The following NEDD9 variants were observed in gnomAD, a reference collection of about 807,000 sequenced individuals.
NEDD9 encodes the protein enhancer of filamentation 1.
NEDD9 carries 26 observed loss-of-function variants against 76.6 expected under a neutral mutation model. The observed-to-expected ratio is 0.34, with a 90% CI of 0.25 to 0.47. The LOEUF (loss-of-function observed/expected upper bound fraction) is 0.47, where lower values mean the gene tolerates loss of function less well. NEDD9 is among the 20% of genes least tolerant of loss of function. The pLI is 1.00. For missense variants in NEDD9, 937 were observed against 1,058.5 expected (o/e 0.89, Z 1.59); for synonymous variants, 392 against 414.2 (o/e 0.95, Z 0.65).
At chr6:11,365,589 C>T (rs961550781) in intron 1 of NEDD9, among the ~76,000 whole-genome samples, 1 of 152,136 alleles carries the variant, frequency 6.6e-6, no homozygotes, top group African/African-American at 2.4e-5. Context: ...AGACCAAATC[C>T]TTCCCTGCAA....
At chr6:11,312,769 C>T (rs1215079104) in intron 2 of NEDD9, among the ~76,000 whole-genome samples, 1 of 150,542 alleles carries the variant, frequency 6.6e-6, no homozygotes, top group Admixed American at 6.6e-5. Context: ...GCCAATAACC[C>T]AGTGGGGTGG....
chr6:11,211,165 A>T (rs1212793063), intron 2 of NEDD9, among the ~76,000 whole-genome samples: 1 of 152,164 alleles, frequency 6.6e-6, no homozygotes, highest in Non-Finnish European at 1.5e-5. Flanking sequence ...AAAAAAGCAA[A>T]ACAAAACATG....
chr6:11,235,230 CATT>C (rs1232143078), upstream of NEDD9, among the ~76,000 whole-genome samples: 5 of 151,906 alleles, frequency 3.3e-5, no homozygotes, highest in Non-Finnish European at 5.9e-5. The surrounding 1 kb of genome is among the most constrained non-coding windows in gnomAD (Gnocchi z 4.1). Flanking sequence ...TATTTTATGA[CATT>C]ATTGCTATAT....
intron 3 of NEDD9, chr6:11,304,972 G>A: frequency 2.7e-6 from 2 of 746,398 alleles, no homozygotes; most frequent in Non-Finnish European, 3.8e-6. Context: ...AACCCACAGT[G>A]ATATGACAAT....
chr6:11,234,377 T>C (rs1341171700), upstream of NEDD9, among the ~76,000 whole-genome samples: 5 of 152,248 alleles, frequency 3.3e-5, no homozygotes, highest in East Asian at 9.6e-4. Flanking sequence ...CCAAGAGATC[T>C]AGATAACATT....
At chr6:11,358,043 A>G (rs914138225) in intron 1 of NEDD9, among the ~76,000 whole-genome samples, 2 of 152,056 alleles carry the variant, frequency 1.3e-5, no homozygotes, top group African/African-American at 2.4e-5. Flanking sequence ...AGGTCAGGAG[A>G]TCGAGATCAT....
intron 1 of NEDD9, among the ~76,000 whole-genome samples, chr6:11,218,485 C>T (rs893914530): frequency 6.6e-6 from 1 of 152,004 alleles, no homozygotes; most frequent in Admixed American, 6.5e-5. Context: ...TCCCAGTTCT[C>T]GATCATACTA....
intron 4 of NEDD9, 89 bp from the exon 5 acceptor site, chr6:11,191,294 C>G: frequency 7.1e-7 from 1 of 1,410,152 alleles, no homozygotes; most frequent in South Asian, 1.4e-5. Context: ...TTTGCTGGCA[C>G]TTTTTCGGTC....
At chr6:11,334,148 T>C (rs1363184809) in intron 2 of NEDD9, among the ~76,000 whole-genome samples, 1 of 152,174 alleles carries the variant, frequency 6.6e-6, no homozygotes, top group African/African-American at 2.4e-5. Context: ...AATAGGGAAA[T>C]ATATAAAGTG....
At chr6:11,369,915 A>G (rs1015188706) in intron 1 of NEDD9, among the ~76,000 whole-genome samples, 11 of 152,250 alleles carry the variant, frequency 7.2e-5, no homozygotes, top group Non-Finnish European at 1.5e-4. Flanking sequence ...ACTGCATTTC[A>G]CATAGCCTCA....
chr6:11,369,107 G>T (rs1364916763), intron 1 of NEDD9, among the ~76,000 whole-genome samples: 1 of 152,178 alleles, frequency 6.6e-6, no homozygotes, highest in East Asian at 1.9e-4. Context: ...TCAGGCAGTT[G>T]GTTCTCTCTT....
chr6:11,286,449 T>A (rs997570963), intron 3 of NEDD9, among the ~76,000 whole-genome samples: 2 of 152,338 alleles, frequency 1.3e-5, no homozygotes, highest in South Asian at 2.1e-4. Context: ...GATCATATAA[T>A]CTAGTCATTG....
At chr6:11,189,326 T>C (rs969728938) in intron 5 of NEDD9, among the ~76,000 whole-genome samples, 1 of 152,134 alleles carries the variant, frequency 6.6e-6, no homozygotes, top group Non-Finnish European at 1.5e-5. Flanking sequence ...GAATTCCCAA[T>C]TGTAGGAGGC....
At chr6:11,270,366 C>A (rs1001504508) in intron 3 of NEDD9, among the ~76,000 whole-genome samples, 1 of 144,708 alleles carries the variant, frequency 6.9e-6, no homozygotes, top group Non-Finnish European at 1.5e-5. Flanking sequence ...CTCCCCTCAA[C>A]CTTTTTTTTT....
chr6:11,353,340 T>G (rs116049771), intron 1 of NEDD9, among the ~76,000 whole-genome samples: 2,835 of 152,282 alleles, frequency 0.019, 90 homozygotes, highest in African/African-American at 0.065. Flanking sequence ...TGATACAATA[T>G]GACTGCTGTT....
intron 3 of NEDD9, among the ~76,000 whole-genome samples, chr6:11,242,342 C>T (rs748949963): frequency 4.6e-5 from 7 of 152,106 alleles, no homozygotes; most frequent in Non-Finnish European, 8.8e-5. Flanking sequence ...TCAGACTTGA[C>T]GATGTAGACA....
intron 1 of NEDD9, among the ~76,000 whole-genome samples, chr6:11,230,204 G>A (rs2113261300): frequency 6.6e-6 from 1 of 152,292 alleles, no homozygotes; most frequent in Admixed American, 6.5e-5. Flanking sequence ...TTATCCTGCA[G>A]GAATACTTGG....
intron 3 of NEDD9, among the ~76,000 whole-genome samples, chr6:11,270,094 A>G (rs1360620471): frequency 2.0e-5 from 3 of 152,224 alleles, no homozygotes; most frequent in African/African-American, 7.2e-5. Context: ...GCATCACTGC[A>G]CTCCAGTCTG....
rs550583050 is a variant in NEDD9, at chr6:11,272,204, C to T, written c.12+33788G>A. On this transcript the variant is annotated intron_variant, in intron 3 of 3. Coordinates refer to the NEDD9 transcript ENST00000397378. ...GGATCTCTGTGTCTGAAGGATTACT[C>T]ATTATGTGCAGAAAACAAATCAGGT... Among the ~76,000 whole-genome samples, 4 of 152,278 alleles carry T rather than the reference C, an allele frequency of 2.6e-5. No individual in the cohort carries two copies. The South Asian group carries it at 8.3e-4, about 32-fold the overall frequency.
Sources: allele counts gnomAD v4.1 joint callset (sites outside exome capture counted in the v4.1 genomes callset), GRCh38; gene constraint gnomAD v4.1.1; non-coding constraint Gnocchi (gnomAD v3.1); transcripts MANE v1.5; gene names NCBI Gene and HGNC (gene_info 2026-07-23, HGNC 2026-07-21).